Variants in GRIN2B observed in about 807,000 individuals in gnomAD.
GRIN2B encodes the protein glutamate receptor ionotropic, NMDA 2B.
A neutral mutation model predicts 114.5 loss-of-function variants in GRIN2B; 5 were observed. The observed-to-expected ratio is 0.04, with a 90% CI of 0.02 to 0.09. The LOEUF is 0.09. Ranked by LOEUF, GRIN2B falls within the 10% of genes least tolerant of loss-of-function variation. GRIN2B has a pLI of 1.00. For missense variants in GRIN2B, 1,108 were observed against 1,943.5 expected (o/e 0.57, Z 8.08); for synonymous variants, 787 against 745.1 (o/e 1.06, Z -0.92).
At chr12:13,665,421 T>G (rs915640671) in intron 5 of GRIN2B, among the ~76,000 whole-genome samples, 2 of 152,080 alleles carry the variant, frequency 1.3e-5, no homozygotes, top group Non-Finnish European at 2.9e-5. Context: ...AGTAGCAGGG[T>G]CTGCACATTT....
In GRIN2B at chr12:13,815,753, G is replaced by A. The variant is rs144253293; in HGVS notation, c.411+50045C>T. 2.4e-3 allele frequency among the ~76,000 whole-genome samples: 366 copies of A among 152,248 alleles called. 1 individual carries two copies. Among genetic ancestry groups the A allele is most frequent in the African/African-American group, 8.5e-3 (353 of 41,544 alleles). On this transcript the variant is annotated intron_variant, in intron 3 of 13. Coordinates refer to ENST00000609686, the MANE Select transcript of GRIN2B (RefSeq NM_000834.5). ...ATGCCTAACTTTGAAGTGAAAAGGT[G>A]GGGTTAAAATACTCACGAATTTTCT...
intron 10 of GRIN2B, among the ~76,000 whole-genome samples, chr12:13,582,900 G>A (rs1413594221): frequency 6.6e-6 from 1 of 152,154 alleles, no homozygotes; most frequent in Non-Finnish European, 1.5e-5. Flanking sequence ...CAATAAGGCA[G>A]TCACTTCTTT....
intron 3 of GRIN2B, among the ~76,000 whole-genome samples, chr12:13,794,240 A>AAAGAAAAAGAAAAATC (rs1202768862): frequency 6.6e-6 from 1 of 151,570 alleles, no homozygotes; most frequent in African/African-American, 2.4e-5. Flanking sequence ...GAAAAGAAAA[A>AAAGAAAAAGAAAAATC]AAGAAAAAGA....
intron 3 of GRIN2B, among the ~76,000 whole-genome samples, chr12:13,804,774 G>A (rs1864573756): frequency 6.6e-6 from 1 of 152,150 alleles, no homozygotes; most frequent in Admixed American, 6.6e-5. Context: ...GTCTAGAAGA[G>A]TGTCTTGTAG....
rs191208656 is a variant in GRIN2B, at chr12:13,620,132, T to G, written c.1126-3475A>C. ...TCTCACAGAGACCCTCATTTTGAGCTGTGGCTTGAAACGTAAATGATAGCT... is the reference window on the plus strand; with the variant it reads ...TCTCACAGAGACCCTCATTTTGAGCGGTGGCTTGAAACGTAAATGATAGCT... On this transcript the variant is annotated intron_variant, in intron 5 of 13. Coordinates refer to ENST00000609686, the MANE Select transcript of GRIN2B (RefSeq NM_000834.5). 8.4e-4 allele frequency among the ~76,000 whole-genome samples: 128 copies of G among 152,310 alleles called. No homozygotes were observed. The Middle Eastern group carries it at 0.01, about 12-fold the overall frequency.
intron 4 of GRIN2B, among the ~76,000 whole-genome samples, chr12:13,720,699 G>A (rs1334682795): frequency 6.6e-6 from 1 of 151,978 alleles, no homozygotes; most frequent in Non-Finnish European, 1.5e-5. Context: ...ATTTATAGGA[G>A]GGGCTTCCAG....
In GRIN2B at chr12:13,980,230, T is replaced by G. The variant is rs570383729; in HGVS notation, c.-321A>C. Reference sequence around the variant, plus strand: ...TGAGGTTAGTGGCTGGAATAGATTTTTAACGCTTCTTCTGGCAATTACGGT... The same window carrying G: ...TGAGGTTAGTGGCTGGAATAGATTTGTAACGCTTCTTCTGGCAATTACGGT... On this transcript the variant is annotated 5_prime_UTR_variant, in exon 2 of 14. Coordinates refer to ENST00000609686, the MANE Select transcript of GRIN2B (RefSeq NM_000834.5). 1.3e-5 allele frequency: 2 copies of G among 152,212 alleles called. No individual in the cohort carries two copies. The highest frequency in any genetic ancestry group is 2.9e-5 in the Non-Finnish European group (2 of 68,058). The allele number at this position is 152,212 out of a possible 1,614,324, so 9.4% of individuals were successfully genotyped here.
In GRIN2B at chr12:13,563,612, C is replaced by T. The variant is rs748005909; in HGVS notation, c.3626G>A (p.Arg1209Gln). ...KNLTNVEWED[R>Q]SGGNFCRSCP... ...GCTGCGGCAGAAGTTGCCCCCGGAC[C>T]GGTCCTCCCACTCCACGTTGGTCAG... The change falls in exon 14 of 14, where the codon CGG becomes CAG. Residue 1209 changes from arginine (R) to glutamine (Q), a missense_variant. Arg to Gln is a conservative substitution (Grantham distance 43). Transcript: ENST00000609686. The T allele has an allele frequency of 4.3e-6, 7 of 1,613,890 alleles. No individual in the cohort carries two copies. Among genetic ancestry groups the T allele is most frequent in the Non-Finnish European group, 5.9e-6 (7 of 1,180,006 alleles).
chr12:13,938,030 A>G (rs1446081360), intron 2 of GRIN2B, among the ~76,000 whole-genome samples: 1 of 152,158 alleles, frequency 6.6e-6, no homozygotes, highest in Non-Finnish European at 1.5e-5. Flanking sequence ...TGCATTTTTT[A>G]GCCCTAGAGC....
intron 5 of GRIN2B, among the ~76,000 whole-genome samples, chr12:13,659,700 A>G (rs1949901471): frequency 6.6e-6 from 1 of 152,120 alleles, no homozygotes; most frequent in African/African-American, 2.4e-5. Flanking sequence ...CTGAAATATC[A>G]TCCTCACTTC....
chr12:13,590,895 A>C (rs1949000847), intron 10 of GRIN2B, among the ~76,000 whole-genome samples: 1 of 152,134 alleles, frequency 6.6e-6, no homozygotes, highest in African/African-American at 2.4e-5. Flanking sequence ...ATTGTTTTCT[A>C]CCACAGAGAT....
intron 3 of GRIN2B, among the ~76,000 whole-genome samples, chr12:13,776,567 A>G (rs1372785806): frequency 6.6e-6 from 1 of 152,174 alleles, no homozygotes; most frequent in Admixed American, 6.5e-5. Flanking sequence ...AGGAGAACAA[A>G]TTAATATAAT....
intron 4 of GRIN2B, among the ~76,000 whole-genome samples, chr12:13,707,672 T>C (rs1477225699): frequency 6.6e-6 from 1 of 152,186 alleles, no homozygotes; most frequent in East Asian, 1.9e-4. Flanking sequence ...GATTTTCACT[T>C]AGCACCTATT....
At chr12:13,634,797 T>C (rs1458916919) in intron 5 of GRIN2B, among the ~76,000 whole-genome samples, 1 of 152,226 alleles carries the variant, frequency 6.6e-6, no homozygotes, top group East Asian at 1.9e-4. Context: ...GTTGTTTCAT[T>C]GTTTCTCACT....
Position 13,562,056 on chromosome 12 carries a change from C to G in GRIN2B, c.*727G>C, listed in dbSNP as rs1351420351. ...AAGTGTGCATGAACACACATGCACG[C>G]ACAATCCACCTGCTCTTGTCCCCAA... On this transcript the variant is annotated 3_prime_UTR_variant, in exon 14 of 14. Transcript: ENST00000609686. 1.3e-5 allele frequency: 2 copies of G among 152,804 alleles called. No individual in the cohort carries two copies. The highest frequency in any genetic ancestry group is 2.9e-5 in the Non-Finnish European group (2 of 68,238). The allele number at this position is 152,804 out of a possible 1,614,324, so 9.5% of individuals were successfully genotyped here.
chr12:13,607,686 A>G (rs1367157820), intron 10 of GRIN2B, among the ~76,000 whole-genome samples: 1 of 140,598 alleles, frequency 7.1e-6, no homozygotes, highest in Non-Finnish European at 1.5e-5. Flanking sequence ...TTTGGTCTGA[A>G]GACACACCTA....
intron 4 of GRIN2B, among the ~76,000 whole-genome samples, chr12:13,734,807 G>T (rs879599638): frequency 1.6e-4 from 24 of 152,162 alleles, no homozygotes; most frequent in Admixed American, 1.4e-3. Context: ...CAGAGAGGAG[G>T]CAACACTTGA....
chr12:13,846,724 G>T (rs1237651329), intron 3 of GRIN2B, among the ~76,000 whole-genome samples: 1 of 152,200 alleles, frequency 6.6e-6, no homozygotes, highest in Non-Finnish European at 1.5e-5. Context: ...GAATGAATGA[G>T]GAAACATATT....
intron 5 of GRIN2B, among the ~76,000 whole-genome samples, chr12:13,623,732 G>C (rs1186336943): frequency 6.6e-6 from 1 of 152,070 alleles, no homozygotes; most frequent in Non-Finnish European, 1.5e-5. Context: ...CCCACTCTGA[G>C]ATTTGTCTTC....
Sources: gnomAD v4.1 joint callset for allele counts (sites outside exome capture counted in the v4.1 genomes callset) on GRCh38, gnomAD v4.1.1 for gene constraint, MANE v1.5 for transcripts, NCBI Gene and HGNC (gene_info 2026-07-23, HGNC 2026-07-21) for gene names.